MACROD2: variants seen among roughly 807,000 people sequenced by gnomAD.
MACROD2 encodes mono-ADP ribosylhydrolase 2.
In MACROD2, 36 loss-of-function variants were observed where a neutral mutation model predicts 70.4. The observed-to-expected ratio is 0.51, with a 90% CI of 0.39 to 0.68. The LOEUF (loss-of-function observed/expected upper bound fraction) is 0.68. MACROD2 is among the 30% of genes least tolerant of loss of function. The pLI is 0.00. For synonymous variants in MACROD2, 172 were observed against 178.8 expected (o/e 0.96, Z 0.30); for missense variants, 496 against 538.4 (o/e 0.92, Z 0.78).
intron 8 of MACROD2, among the ~76,000 whole-genome samples, chr20:15,729,071 G>A (rs1049410923): frequency 6.6e-6 from 1 of 152,066 alleles, no homozygotes; most frequent in African/African-American, 2.4e-5. Flanking sequence ...AGAGATTCTG[G>A]TATATTGTAT....
intron 6 of MACROD2, among the ~76,000 whole-genome samples, chr20:15,406,245 C>G (rs769992125): frequency 6.6e-6 from 1 of 152,126 alleles, no homozygotes; most frequent in Non-Finnish European, 1.5e-5. Context: ...AAATGATTAC[C>G]GTGCTCAGGG....
At chr20:15,584,420 G>A (rs1314637863) in intron 8 of MACROD2, among the ~76,000 whole-genome samples, 3 of 152,082 alleles carry the variant, frequency 2.0e-5, no homozygotes, top group African/African-American at 7.2e-5. Flanking sequence ...AAATAATTAA[G>A]CATCTATTTT....
rs2070851260 is a variant in MACROD2 at position 14,675,666 on chromosome 20, CT to C, written c.302-9176del. ...ATCAACAAATGGGCAAAATAACCAG[CT>C]AGCATCATAATGACAGGATCAAATT... On this transcript the variant is annotated intron_variant, in intron 4 of 17. Transcript: ENST00000684519. 8.5e-5 allele frequency among the ~76,000 whole-genome samples: 13 copies of C among 152,240 alleles called. No homozygotes were observed. The South Asian group carries it at 2.7e-3, about 32-fold the overall frequency.
intron 3 of MACROD2, among the ~76,000 whole-genome samples, chr20:14,196,558 G>A (rs1316487029): frequency 6.6e-6 from 1 of 152,156 alleles, no homozygotes; most frequent in Non-Finnish European, 1.5e-5. Context: ...CCAAATATTA[G>A]TTTGAACTCT....
intron 8 of MACROD2, among the ~76,000 whole-genome samples, chr20:15,585,816 A>G (rs972134455): frequency 6.6e-6 from 1 of 151,762 alleles, no homozygotes; most frequent in African/African-American, 2.4e-5. Context: ...AAAATAAACT[A>G]CTAGCCCTGA....
At chr20:15,135,413 C>T (rs369632688) in intron 5 of MACROD2, among the ~76,000 whole-genome samples, 3,224 of 150,540 alleles carry the variant, frequency 0.021, 39 homozygotes, top group Middle Eastern at 0.11. Context: ...GTTCAATATA[C>T]GCAAATCAAT....
At chr20:15,073,086 G>A (rs1329447021) in intron 5 of MACROD2, among the ~76,000 whole-genome samples, 2 of 152,028 alleles carry the variant, frequency 1.3e-5, no homozygotes, top group Non-Finnish European at 2.9e-5. Flanking sequence ...CCTTGATATT[G>A]GACTTTCCAG....
At chr20:15,052,081 G>T (rs1465860324) in intron 5 of MACROD2, among the ~76,000 whole-genome samples, 4 of 151,978 alleles carry the variant, frequency 2.6e-5, no homozygotes, top group African/African-American at 9.7e-5. Context: ...AATCTTCAAG[G>T]AATTTTCTTA....
At chr20:14,086,816 G>A (rs1488986759) in intron 3 of MACROD2, among the ~76,000 whole-genome samples, 1 of 152,174 alleles carries the variant, frequency 6.6e-6, no homozygotes, top group Non-Finnish European at 1.5e-5. Context: ...TTGCAAGGTG[G>A]TCATCTGTCA....
intron 8 of MACROD2, among the ~76,000 whole-genome samples, chr20:15,745,792 A>G (rs1047017459): frequency 1.3e-5 from 2 of 152,108 alleles, no homozygotes; most frequent in African/African-American, 4.8e-5. Context: ...TTTTTCCAGC[A>G]TAATATATTG....
intron 5 of MACROD2, among the ~76,000 whole-genome samples, chr20:15,227,355 C>CCTCCCTCCCTT (rs2076916014): frequency 6.6e-6 from 1 of 151,298 alleles, no homozygotes; most frequent in African/African-American, 2.4e-5. Flanking sequence ...CTCCCTTATC[C>CCTCCCTCCCTT]CTCCCTCCCT....
chr20:14,535,557 G>T (rs2085354482), intron 4 of MACROD2, among the ~76,000 whole-genome samples: 1 of 145,736 alleles, frequency 6.9e-6, no homozygotes, highest in Non-Finnish European at 1.5e-5. Flanking sequence ...TTGAAGTCTT[G>T]CCAAGGACTT....
intron 6 of MACROD2, among the ~76,000 whole-genome samples, chr20:15,410,054 A>G (rs1438996262): frequency 2.0e-5 from 3 of 152,118 alleles, no homozygotes; most frequent in Non-Finnish European, 2.9e-5. Context: ...TTTTTCTTTA[A>G]AAAAAATCTT....
chr20:15,733,912 G>C (rs895797907), intron 8 of MACROD2, among the ~76,000 whole-genome samples: 7 of 152,192 alleles, frequency 4.6e-5, no homozygotes, highest in African/African-American at 1.7e-4. Context: ...AGATCATTAG[G>C]ATGATGAACA....
chr20:14,404,191 A>G (rs2083668243), intron 3 of MACROD2, among the ~76,000 whole-genome samples: 1 of 152,230 alleles, frequency 6.6e-6, no homozygotes, highest in African/African-American at 2.4e-5. Context: ...CATTAAATAT[A>G]GATTTAGAAT....
At chr20:14,399,892 G>T (rs2083619562) in intron 3 of MACROD2, among the ~76,000 whole-genome samples, 1 of 151,750 alleles carries the variant, frequency 6.6e-6, no homozygotes, top group Non-Finnish European at 1.5e-5. Context: ...GTCATATATT[G>T]TATTCTCAGT....
chr20:14,409,315 C>A (rs2083724481), intron 3 of MACROD2, among the ~76,000 whole-genome samples: 1 of 152,088 alleles, frequency 6.6e-6, no homozygotes, highest in Non-Finnish European at 1.5e-5. Context: ...GGTATCCCTA[C>A]AACTGTACTT....
chr20:14,160,585 C>G (rs2055170864), intron 3 of MACROD2, among the ~76,000 whole-genome samples: 1 of 151,760 alleles, frequency 6.6e-6, no homozygotes, highest in Non-Finnish European at 1.5e-5. Context: ...TTTTTCATTT[C>G]TGATTTTATT....
chr20:15,177,345 C>T (rs2076470107), intron 5 of MACROD2, among the ~76,000 whole-genome samples: 1 of 152,228 alleles, frequency 6.6e-6, no homozygotes. Flanking sequence ...AAACAGATTT[C>T]TTGCCTTCCT....
Sources: gnomAD v4.1 joint callset for allele counts (sites outside exome capture counted in the v4.1 genomes callset) on GRCh38, gnomAD v4.1.1 for gene constraint, MANE v1.5 for transcripts, NCBI Gene and HGNC (gene_info 2026-07-23, HGNC 2026-07-21) for gene names.